LRP1B: variants seen among roughly 807,000 people sequenced by gnomAD.
The protein encoded by LRP1B is low-density lipoprotein receptor-related protein 1B.
In LRP1B, 217 loss-of-function variants were observed where a neutral mutation model predicts 556.6. The ratio of observed to expected loss-of-function variants is 0.39; its 90% confidence interval spans 0.35 to 0.44. The LOEUF is 0.44. Among genes scored for constraint, LRP1B ranks in the 20% least tolerant of loss-of-function variants. The probability of loss-of-function intolerance (pLI) is 1.00; values close to 1 mark genes in which losing one functional copy is unlikely to be tolerated. For synonymous variants in LRP1B, 2,047 were observed against 1,865.8 expected, an observed-to-expected ratio of 1.10 and a Z score of -2.50; for missense variants, 5,053 against 5,620.8, an observed-to-expected ratio of 0.90 and a Z score of 3.23.
intron 27 of LRP1B, among the ~76,000 whole-genome samples, chr2:140,859,760 C>T (rs1402166520): frequency 6.6e-6 from 1 of 151,842 alleles, no homozygotes; most frequent in Admixed American, 6.6e-5. Flanking sequence ...TTTGGGAGGC[C>T]GAGGTGGGCG....
At chr2:141,145,181 T>C (rs780042658) in intron 7 of LRP1B, among the ~76,000 whole-genome samples, 3 of 152,204 alleles carry the variant, frequency 2.0e-5, no homozygotes, top group Non-Finnish European at 4.4e-5. Flanking sequence ...TGCCTGTCAA[T>C]CACTATTAGT....
At chr2:141,519,428 T>C (rs1684457142) in intron 2 of LRP1B, among the ~76,000 whole-genome samples, 1 of 145,050 alleles carries the variant, frequency 6.9e-6, no homozygotes, top group South Asian at 2.2e-4. Flanking sequence ...TTGAATTTAG[T>C]TTTTAAGCAA....
chr2:141,237,171 A>G (rs1683674418), intron 5 of LRP1B, among the ~76,000 whole-genome samples: 1 of 152,172 alleles, frequency 6.6e-6, no homozygotes, highest in Non-Finnish European at 1.5e-5. Flanking sequence ...AACGAGTGAC[A>G]TGAAGTCAAG....
At chr2:140,236,215 C>G (rs1680690823) in intron 89 of LRP1B, among the ~76,000 whole-genome samples, 1 of 150,946 alleles carries the variant, frequency 6.6e-6, no homozygotes, top group South Asian at 2.1e-4. Context: ...AAAGCCTAAT[C>G]ATGGGTTCAG....
At chr2:140,364,998 C>A (rs1415185476) in intron 71 of LRP1B, among the ~76,000 whole-genome samples, 1 of 151,108 alleles carries the variant, frequency 6.6e-6, no homozygotes. Context: ...TCTAATATTA[C>A]TCTCATATAT....
chr2:140,631,453 C>T (rs77637989), intron 41 of LRP1B, among the ~76,000 whole-genome samples: 6,953 of 152,104 alleles, frequency 0.046, 359 homozygotes, highest in East Asian at 0.24. Context: ...AATGTAAGCA[C>T]AGAGATGGAA....
At chr2:140,667,859 G>A (rs901898488) in intron 41 of LRP1B, among the ~76,000 whole-genome samples, 1 of 152,014 alleles carries the variant, frequency 6.6e-6, no homozygotes, top group Non-Finnish European at 1.5e-5. Flanking sequence ...CTTTATAATA[G>A]CAAAAGTTCC....
chr2:140,948,702 G>A lies in LRP1B; in HGVS notation c.3136+1533C>T, dbSNP rs74548540. Among the ~76,000 whole-genome samples the A allele has an allele frequency of 7.0e-3, 1,065 of 152,294 alleles. 30 individuals are homozygous for A. Among genetic ancestry groups the A allele is most frequent in the East Asian group, 0.058 (301 of 5,180 alleles). ...CGATGTCCATTGCCAGAGAATGACA[G>A]GAATCATGTCAAGACCATCAACCAT... On this transcript the variant is annotated intron_variant, in intron 20 of 90. Transcript: ENST00000389484.
intron 83 of LRP1B, among the ~76,000 whole-genome samples, chr2:140,306,231 C>T (rs1178880819): frequency 1.3e-5 from 2 of 151,804 alleles, no homozygotes; most frequent in East Asian, 1.9e-4. Context: ...AGGAATAGTA[C>T]CAGCTCCTCC....
intron 7 of LRP1B, among the ~76,000 whole-genome samples, chr2:141,100,084 G>A (rs1399335642): frequency 1.3e-5 from 2 of 151,994 alleles, no homozygotes; most frequent in Admixed American, 6.6e-5. Context: ...TCTTATCCTG[G>A]ATTTTATATC....
chr2:141,215,470 A>T (rs1370783613), intron 6 of LRP1B, among the ~76,000 whole-genome samples: 1 of 152,176 alleles, frequency 6.6e-6, no homozygotes, highest in Non-Finnish European at 1.5e-5. Flanking sequence ...GGGTAACAGG[A>T]AGAGATTGGA....
chr2:141,971,096 C>T (rs920928705), intron 1 of LRP1B, among the ~76,000 whole-genome samples: 2 of 151,440 alleles, frequency 1.3e-5, no homozygotes, highest in African/African-American at 4.8e-5. Flanking sequence ...CAACCCAAAC[C>T]TTAAGGTTAC....
intron 3 of LRP1B, among the ~76,000 whole-genome samples, chr2:141,292,370 A>G (rs1686007173): frequency 6.6e-6 from 1 of 152,136 alleles, no homozygotes; most frequent in South Asian, 2.1e-4. Flanking sequence ...TGCTCCCTCT[A>G]TCAACTCATA....
At chr2:141,415,176 A>G (rs927038359) in intron 3 of LRP1B, among the ~76,000 whole-genome samples, 8 of 151,950 alleles carry the variant, frequency 5.3e-5, no homozygotes, top group South Asian at 2.1e-4. Context: ...CACCACGCCC[A>G]GCTAATTTTT....
At chr2:141,385,816 C>A (rs4471835) in intron 3 of LRP1B, among the ~76,000 whole-genome samples, 149,897 of 152,258 alleles carry the variant, frequency 0.98, 73,825 homozygotes, top group East Asian at 1. Flanking sequence ...AACCTGTCAT[C>A]GTTTGCTGTT....
At chr2:142,115,361 A>G (rs1349644030) in intron 1 of LRP1B, among the ~76,000 whole-genome samples, 1 of 148,130 alleles carries the variant, frequency 6.8e-6, no homozygotes, top group African/African-American at 2.5e-5. Context: ...AAGAGCTCCC[A>G]GTGGCCAAAG....
intron 3 of LRP1B, among the ~76,000 whole-genome samples, chr2:141,477,281 TAGAC>T (rs1190154671): frequency 7.3e-6 from 1 of 137,338 alleles, no homozygotes; most frequent in Non-Finnish European, 1.6e-5. Context: ...ATAACCGAGT[TAGAC>T]AGAATTGTTC....
intron 2 of LRP1B, among the ~76,000 whole-genome samples, chr2:141,788,029 G>C (rs1227497334): frequency 1.3e-5 from 2 of 151,846 alleles, no homozygotes; most frequent in African/African-American, 4.8e-5. Context: ...CTTATTATTT[G>C]GTTAGTTTTT....
At chr2:140,662,895 A>C (rs141681752) in intron 41 of LRP1B, among the ~76,000 whole-genome samples, 2,078 of 152,278 alleles carry the variant, frequency 0.014, 40 homozygotes, top group Admixed American at 0.046. Flanking sequence ...AATGCTTTAG[A>C]TTGCAAAAGT....
Sources: gnomAD v4.1 joint callset for allele counts (sites outside exome capture counted in the v4.1 genomes callset) on GRCh38, gnomAD v4.1.1 for gene constraint, MANE v1.5 for transcripts, NCBI Gene and HGNC (gene_info 2026-07-23, HGNC 2026-07-21) for gene names.